The following ENTREP2 variants were observed in gnomAD, a reference collection of about 807,000 sequenced individuals.
ENTREP2 encodes the protein protein ENTREP2.
chr15:29,471,723 A>G, the ENTREP2 span, among the ~76,000 whole-genome samples: 2 of 152,206 alleles, frequency 1.3e-5, no homozygotes, highest in Non-Finnish European at 2.9e-5. Context: ...CTCTGGTGCA[A>G]AGGCCCTGGG....
chr15:29,436,998 G>A, the ENTREP2 span, among the ~76,000 whole-genome samples: 3 of 152,156 alleles, frequency 2.0e-5, no homozygotes, highest in Non-Finnish European at 4.4e-5. Context: ...CAGGAGGTGG[G>A]GGCCAAACAA....
chr15:29,634,759 T>C, the ENTREP2 span, among the ~76,000 whole-genome samples: 1 of 152,154 alleles, frequency 6.6e-6, no homozygotes, highest in Non-Finnish European at 1.5e-5. Flanking sequence ...TGGCTCCTCT[T>C]TTGGTTTGAT....
chr15:29,402,432 C>T, the ENTREP2 span, among the ~76,000 whole-genome samples: 13 of 152,164 alleles, frequency 8.5e-5, no homozygotes, highest in Non-Finnish European at 1.6e-4. Context: ...CCTCCCATTT[C>T]GGCCTCCCGA....
chr15:29,152,688 G>T, the ENTREP2 span, among the ~76,000 whole-genome samples: 10 of 152,226 alleles, frequency 6.6e-5, no homozygotes, highest in South Asian at 4.1e-4. Context: ...AGAATATCTG[G>T]TTTTTTGGTA....
the ENTREP2 span, among the ~76,000 whole-genome samples, chr15:29,516,465 T>C: frequency 1.3e-5 from 2 of 152,328 alleles, no homozygotes; most frequent in African/African-American, 2.4e-5. Context: ...ATATCATGTC[T>C]ATGAACTTTG....
chr15:29,494,958 G>A, the ENTREP2 span, among the ~76,000 whole-genome samples: 1 of 150,892 alleles, frequency 6.6e-6, no homozygotes. Flanking sequence ...ATGGACATTA[G>A]GTTGTTCCCA....
the ENTREP2 span, among the ~76,000 whole-genome samples, chr15:29,524,537 A>G: frequency 6.6e-6 from 1 of 152,198 alleles, no homozygotes; most frequent in Non-Finnish European, 1.5e-5. Context: ...CCAGAGTTTT[A>G]TAGCTCTATT....
the ENTREP2 span, among the ~76,000 whole-genome samples, chr15:29,150,778 G>A: frequency 9.2e-5 from 14 of 152,118 alleles, no homozygotes; most frequent in Non-Finnish European, 2.1e-4. Flanking sequence ...GCCACAGGGT[G>A]AATGACAAAG....
chr15:29,254,685 CA>C, the ENTREP2 span, among the ~76,000 whole-genome samples: 1 of 152,036 alleles, frequency 6.6e-6, no homozygotes, highest in East Asian at 1.9e-4. Flanking sequence ...GGTGAAAGCC[CA>C]TCTCTACTAA....
the ENTREP2 span, among the ~76,000 whole-genome samples, chr15:29,338,215 T>G: frequency 6.7e-6 from 1 of 148,644 alleles, no homozygotes. Flanking sequence ...GAGTGAGGAG[T>G]GCATGTCCCA....
chr15:29,663,116 C>T, the ENTREP2 span, among the ~76,000 whole-genome samples: 1 of 152,222 alleles, frequency 6.6e-6, no homozygotes, highest in Non-Finnish European at 1.5e-5. Flanking sequence ...CTCTGGGCCT[C>T]AGCCTCTCCA....
chr15:29,324,163 C>T, the ENTREP2 span, among the ~76,000 whole-genome samples: 9 of 151,962 alleles, frequency 5.9e-5, no homozygotes, highest in East Asian at 1.9e-4. Context: ...TGCAGTGGCA[C>T]GATCATTGTT....
At chr15:29,626,687 T>C in the ENTREP2 span, among the ~76,000 whole-genome samples, 9 of 152,204 alleles carry the variant, frequency 5.9e-5, no homozygotes, top group Non-Finnish European at 1.2e-4. Context: ...TCTTGCCTTA[T>C]TTTACTGACT....
the ENTREP2 span, among the ~76,000 whole-genome samples, chr15:29,336,517 C>T: frequency 6.6e-6 from 1 of 152,120 alleles, no homozygotes; most frequent in Non-Finnish European, 1.5e-5. Context: ...CACTATGTTG[C>T]CCAGGCTGGC....
the ENTREP2 span, among the ~76,000 whole-genome samples, chr15:29,383,629 T>C: frequency 6.6e-6 from 1 of 152,148 alleles, no homozygotes; most frequent in Non-Finnish European, 1.5e-5. Flanking sequence ...GAGGGCATGA[T>C]GCTGACAAAC....
At chr15:29,535,522 GA>G in the ENTREP2 span, among the ~76,000 whole-genome samples, 1 of 151,456 alleles carries the variant, frequency 6.6e-6, no homozygotes. Flanking sequence ...TCTCTACAAA[GA>G]AAAAAAAATT....
the ENTREP2 span, among the ~76,000 whole-genome samples, chr15:29,351,814 AT>A: frequency 9.6e-5 from 14 of 146,548 alleles, no homozygotes; most frequent in East Asian, 2.0e-4. Context: ...CAGCTTTTTT[AT>A]TTTTTTTTTG....
the ENTREP2 span, among the ~76,000 whole-genome samples, chr15:29,334,943 T>C: frequency 6.6e-6 from 1 of 152,146 alleles, no homozygotes; most frequent in Admixed American, 6.5e-5. Flanking sequence ...GCCAGGCATG[T>C]GAGTAAAGGA....
At chr15:29,623,966 G>A in the ENTREP2 span, among the ~76,000 whole-genome samples, 10 of 152,290 alleles carry the variant, frequency 6.6e-5, no homozygotes, top group East Asian at 1.5e-3. Flanking sequence ...TTGAACTCCT[G>A]ACCTCAGGTG....
Sources: allele counts gnomAD v4.1 joint callset (sites outside exome capture counted in the v4.1 genomes callset), GRCh38; gene constraint gnomAD v4.1.1; transcripts MANE v1.5; gene names NCBI Gene and HGNC (gene_info 2026-07-23, HGNC 2026-07-21).